Variants in IL6R observed in about 807,000 individuals in gnomAD.
The protein encoded by IL6R is interleukin-6 receptor subunit alpha.
In IL6R, 38 loss-of-function variants were observed where a neutral mutation model predicts 48.3. The observed-to-expected ratio is 0.79, with a 90% confidence interval of 0.61 to 1.03. The LOEUF (loss-of-function observed/expected upper bound fraction) is 1.03, where lower values mean the gene tolerates loss of function less well. IL6R is among the 50% of genes least tolerant of loss of function. The pLI is 0.00. For synonymous variants in IL6R, 264 were observed against 256.2 expected (o/e 1.03, Z -0.29); for missense variants, 534 against 618.3 (o/e 0.86, Z 1.45).
chr1:154,412,911 C>T (rs934624116), intron 1 of IL6R, among the ~76,000 whole-genome samples: 2 of 151,096 alleles, frequency 1.3e-5, no homozygotes, highest in Non-Finnish European at 2.9e-5. Context: ...ACCCCTGCTC[C>T]TGTGGACTAG....
At chr1:154,441,363 C>T (rs1443820430) in intron 6 of IL6R, among the ~76,000 whole-genome samples, 1 of 152,230 alleles carries the variant, frequency 6.6e-6, no homozygotes, top group Non-Finnish European at 1.5e-5. Context: ...GGCATAGACA[C>T]AGCTTCTGTG....
chr1:154,405,706 C>G lies in IL6R; in HGVS notation c.77C>G (p.Pro26Arg). 1 of 1,517,582 alleles carries G rather than the reference C, an allele frequency of 6.6e-7. No individual in the cohort carries two copies. The allele number at this position is 1,517,582 out of a possible 1,614,324, so 94.0% of individuals were successfully genotyped here. ...PGAALAPRRCPAQEVARGVLT... is the reference protein window; with the variant it reads ...PGAALAPRRCRAQEVARGVLT... ...GCGGCGCTGGCCCCAAGGCGCTGCC[C>G]TGCGCAGGGTAAGGGCTTCGGGCGC... Residue 26 changes from proline (P) to arginine (R), a missense_variant, in exon 1 of 10, where the codon CCT becomes CGT. By Grantham distance (103) the Pro-to-Arg change is moderately radical. Coordinates refer to ENST00000368485, the MANE Select transcript of IL6R (RefSeq NM_000565.4). This position sits in a 1 kb window ranked among gnomAD's most constrained non-coding sequence, Gnocchi z 5.2.
At chr1:154,422,876 G>T (rs1164465103) in intron 1 of IL6R, among the ~76,000 whole-genome samples, 5 of 152,130 alleles carry the variant, frequency 3.3e-5, no homozygotes, top group African/African-American at 1.2e-4. Flanking sequence ...GTTCCTCATC[G>T]TGTCTCTTCC....
chr1:154,425,774 A>G (rs946827815), intron 1 of IL6R, among the ~76,000 whole-genome samples: 11 of 151,172 alleles, frequency 7.3e-5, no homozygotes, highest in African/African-American at 2.4e-4. Flanking sequence ...ACCCTGTCCC[A>G]AGAAAAAGAA....
In IL6R at chr1:154,467,124, G is replaced by A. The variant is rs1691587135; in HGVS notation, c.*1744G>A. On this transcript the variant is annotated 3_prime_UTR_variant, in exon 10 of 10. Coordinates refer to ENST00000368485, the MANE Select transcript of IL6R (RefSeq NM_000565.4). ...CCCTGAGCTTTCTGCTATCAAAGAGGTTTTAAAAAAATCCCATTTAAAAAA... is the reference window on the plus strand; with the variant it reads ...CCCTGAGCTTTCTGCTATCAAAGAGATTTTAAAAAAATCCCATTTAAAAAA... 6.6e-6 allele frequency: 1 copy of A among 151,990 alleles called. No homozygotes were observed. Among genetic ancestry groups the A allele is most frequent in the Admixed American group, 6.6e-5 (1 of 15,256 alleles). 9.4% of individuals were successfully genotyped at this position (151,990 alleles called of 1,614,324 possible). A position where few individuals can be genotyped will look rare whatever the true frequency, so the allele number is the denominator to read the frequency against.
rs371366736 is a variant in IL6R at position 154,454,600 on chromosome 1, G to A, written c.1160+19G>A. 1.8e-5 allele frequency: 27 copies of A among 1,542,418 alleles called. No individual in the cohort carries two copies. Among genetic ancestry groups the A allele is most frequent in the Admixed American group, 3.3e-5 (2 of 59,880 alleles). On this transcript the variant is annotated intron_variant, in intron 9 of 9. Transcript: ENST00000368485. Reference sequence around the variant, plus strand: ...TTCTGAGGTGAGATGGGTCCCAGGGGATGGCCCTGTGGTGTTCTCATATTT... The same window carrying A: ...TTCTGAGGTGAGATGGGTCCCAGGGAATGGCCCTGTGGTGTTCTCATATTT...
At chr1:154,447,476 T>TATACATACACACAC (rs1424013885) in intron 6 of IL6R, among the ~76,000 whole-genome samples, 1 of 68,826 alleles carries the variant, frequency 1.5e-5, no homozygotes. Context: ...TATATATATA[T>TATACATACACACAC]ACACACACAC....
At chr1:154,407,173 G>A (rs1227263609) in intron 1 of IL6R, among the ~76,000 whole-genome samples, 1 of 152,234 alleles carries the variant, frequency 6.6e-6, no homozygotes, top group Non-Finnish European at 1.5e-5. Context: ...GGAGGCCCAG[G>A]CTTGCCCATG....
chr1:154,439,127 G>A (rs1252766860), intron 6 of IL6R, among the ~76,000 whole-genome samples: 5 of 152,112 alleles, frequency 3.3e-5, no homozygotes, highest in Admixed American at 1.3e-4. Context: ...CTCTAACATC[G>A]TGCAGAGGAA....
intron 6 of IL6R, among the ~76,000 whole-genome samples, chr1:154,441,553 G>T (rs1481529874): frequency 6.6e-6 from 1 of 152,196 alleles, no homozygotes. Context: ...GAACTTGGAT[G>T]ATTTTGACGC....
intron 9 of IL6R, among the ~76,000 whole-genome samples, chr1:154,459,069 A>G (rs1691093051): frequency 3.9e-5 from 6 of 152,188 alleles, no homozygotes; most frequent in Admixed American, 3.9e-4. Context: ...ACACACCCTG[A>G]GAGTCCCTGC....
At chr1:154,447,547 A>ACG (rs1690328894) in intron 6 of IL6R, among the ~76,000 whole-genome samples, 1 of 113,666 alleles carries the variant, frequency 8.8e-6, no homozygotes, top group Non-Finnish European at 1.8e-5. Context: ...ACATATATAT[A>ACG]CACATACACA....
chr1:154,441,463 G>T (rs565720464), intron 6 of IL6R, among the ~76,000 whole-genome samples: 1 of 152,242 alleles, frequency 6.6e-6, no homozygotes, highest in East Asian at 1.9e-4. Context: ...TTGAGGCAGG[G>T]GAAGTCTTCA....
chr1:154,434,094 A>G, intron 3 of IL6R, among the ~76,000 whole-genome samples: 1 of 151,816 alleles, frequency 6.6e-6, no homozygotes, highest in Non-Finnish European at 1.5e-5. Context: ...GCACTTTGGG[A>G]GGCTGAGGCG....
At chr1:154,435,488 G>A (rs1309195637) in intron 5 of IL6R, among the ~76,000 whole-genome samples, 2 of 142,824 alleles carry the variant, frequency 1.4e-5, no homozygotes, top group Admixed American at 1.5e-4. Flanking sequence ...CAGCCTGGGC[G>A]ACAGAGTTAG....
rs544762471 is a variant in IL6R at position 154,450,924 on chromosome 1, T to C, written c.1066+944T>C. 7.2e-5 allele frequency among the ~76,000 whole-genome samples: 11 copies of C among 152,356 alleles called. No homozygotes were observed. In the South Asian group the frequency reaches 1.4e-3, roughly 20 times the overall value. ...AAGCCCTACCATGGTGCAGTGCACC[T>C]GTGGAGGACCTGCTAAATACCTGGG... On this transcript the variant is annotated intron_variant, in intron 8 of 9. Coordinates refer to ENST00000368485, the MANE Select transcript of IL6R (RefSeq NM_000565.4).
chr1:154,451,509 T>G (rs1690578687), intron 8 of IL6R, among the ~76,000 whole-genome samples: 1 of 151,960 alleles, frequency 6.6e-6, no homozygotes, highest in Admixed American at 6.6e-5. Context: ...CAGAGTGAGA[T>G]TCCATGTCAA....
intron 9 of IL6R, among the ~76,000 whole-genome samples, chr1:154,460,850 G>A (rs983066701): frequency 1.3e-5 from 2 of 152,114 alleles, no homozygotes; most frequent in East Asian, 1.9e-4. Flanking sequence ...GTGTGGAGAC[G>A]AGAGATTGTA....
rs1184080527 is a variant in IL6R, at chr1:154,468,757, T to C, written c.*3377T>C. The C allele has an allele frequency of 6.6e-6, 1 of 152,326 alleles. No individual in the cohort carries two copies. The highest frequency in any genetic ancestry group is 1.5e-5 in the Non-Finnish European group (1 of 68,092). The allele number at this position is 152,326 out of a possible 1,614,324, so 9.4% of individuals were successfully genotyped here. Reference sequence around the variant, plus strand: ...GGGCATGTTGTGGTCTATGGGTTTGTTTCCTGGAGAATGTTCAGGAATGTC... The same window carrying C: ...GGGCATGTTGTGGTCTATGGGTTTGCTTCCTGGAGAATGTTCAGGAATGTC... On this transcript the variant is annotated 3_prime_UTR_variant, in exon 10 of 10. Transcript: ENST00000368485.
Sources: allele counts gnomAD v4.1 joint callset (sites outside exome capture counted in the v4.1 genomes callset), GRCh38; gene constraint gnomAD v4.1.1; non-coding constraint Gnocchi (gnomAD v3.1); transcripts MANE v1.5; gene names NCBI Gene and HGNC (gene_info 2026-07-23, HGNC 2026-07-21).